Variants in MPC2 observed in about 807,000 individuals in gnomAD.
MPC2 encodes brain protein 44.
A neutral mutation model predicts 19.2 loss-of-function variants in MPC2; 19 were observed. The ratio of observed to expected loss-of-function variants is 0.99; its 90% CI spans 0.69 to 1.45. The LOEUF (loss-of-function observed/expected upper bound fraction) is 1.45. Among genes scored for constraint, MPC2 ranks in the 40% most tolerant of loss-of-function variants. MPC2 has a pLI of 0.00. For missense variants in MPC2, 122 were observed against 153.0 expected (o/e 0.80, Z 1.07); for synonymous variants, 61 against 54.3 (o/e 1.12, Z -0.54).
intron 2 of MPC2, among the ~76,000 whole-genome samples, chr1:167,933,842 T>C (rs1670984429): frequency 1.3e-5 from 2 of 152,252 alleles, no homozygotes; most frequent in African/African-American, 2.4e-5. Flanking sequence ...CCTTACTCTG[T>C]ATGTTGCTCA....
chr1:167,918,785 G>T (rs1670531773), intron 5 of MPC2, among the ~76,000 whole-genome samples: 1 of 151,814 alleles, frequency 6.6e-6, no homozygotes, highest in South Asian at 2.1e-4. Context: ...AGTAGAGATG[G>T]TGTTTCACCG....
At chr1:167,918,404 C>T (rs10918798) in intron 5 of MPC2, 45 bp from the exon 6 acceptor site, 114,889 of 1,253,848 alleles carry the variant, frequency 0.092, 6,626 homozygotes, top group African/African-American at 0.23. Context: ...TAATAATAGA[C>T]AAATTTATGG....
At chr1:167,930,622 T>C (rs78413747) in intron 2 of MPC2, among the ~76,000 whole-genome samples, 117 of 152,326 alleles carry the variant, frequency 7.7e-4, no homozygotes, top group African/African-American at 2.7e-3. Flanking sequence ...AGCTCCCTCA[T>C]TTTTATAAAT....
Position 167,919,964 on chromosome 1 carries a change from C to A in MPC2, c.347+15G>T. 1 of 1,571,046 alleles carries A rather than the reference C, an allele frequency of 6.4e-7. No homozygotes were observed. The highest frequency in any genetic ancestry group is 8.7e-7 in the Non-Finnish European group (1 of 1,156,046). Reference sequence around the variant, plus strand: ...GCTTTTGCAACAGTTTTAAAAATATCTCTGGTAGGCTTACCTCCAAATACG... The same window carrying A: ...GCTTTTGCAACAGTTTTAAAAATATATCTGGTAGGCTTACCTCCAAATACG... On this transcript the variant is annotated intron_variant, in intron 5 of 5. Coordinates refer to ENST00000271373, the MANE Select transcript of MPC2 (RefSeq NM_001143674.4).
intron 2 of MPC2, among the ~76,000 whole-genome samples, chr1:167,925,494 C>G (rs1331156759): frequency 8.0e-6 from 1 of 125,222 alleles, no homozygotes; most frequent in African/African-American, 2.9e-5. Flanking sequence ...TATACACACA[C>G]ATATATATAT....
rs569873364 is a variant in MPC2 at position 167,922,141 on chromosome 1, G to A, written c.151-1510C>T. On this transcript the variant is annotated intron_variant, in intron 3 of 5. Coordinates refer to ENST00000271373, the MANE Select transcript of MPC2 (RefSeq NM_001143674.4). ...TAAAACACAGTAAGAGGTATATAAG[G>A]TAAGTATCTAATAGAAGAAGTCTCC... 3.3e-4 allele frequency among the ~76,000 whole-genome samples: 50 copies of A among 152,242 alleles called. 2 individuals are homozygous for A. In the South Asian group the frequency reaches 9.9e-3, roughly 30 times the overall value.
chr1:167,935,977 G>T (rs1393775735), intron 1 of MPC2, 79 bp from the exon 2 acceptor site: 1 of 685,480 alleles, frequency 1.5e-6, no homozygotes, highest in Non-Finnish European at 2.5e-6. Flanking sequence ...CCCTTCCCGC[G>T]GCTTTCCCTG....
At chr1:167,936,889 T>C in intron 1 of MPC2, 50 bp downstream of exon 1, 1 of 1,183,712 alleles carries the variant, frequency 8.4e-7, no homozygotes. Flanking sequence ...TGGTCTCCCC[T>C]CCCACCCGGC....
intron 1 of MPC2, chr1:167,936,485 A>C (rs1298398722): frequency 2.4e-5 from 5 of 207,750 alleles, no homozygotes; most frequent in Non-Finnish European, 4.9e-5. Flanking sequence ...ATCTGGTTAG[A>C]GTGGCCCGAA....
intron 1 of MPC2, 90 bp downstream of exon 1, chr1:167,936,849 C>T (rs954293604): frequency 2.2e-6 from 3 of 1,353,808 alleles, no homozygotes; most frequent in South Asian, 2.5e-5. Context: ...AAACGGGTGT[C>T]CCCTCCCCCT....
intron 3 of MPC2, among the ~76,000 whole-genome samples, chr1:167,924,104 G>C (rs940260738): frequency 6.6e-6 from 1 of 152,120 alleles, no homozygotes; most frequent in Non-Finnish European, 1.5e-5. Flanking sequence ...TACTTTTTGA[G>C]AGTAACTTTC....
Position 167,934,091 on chromosome 1 carries a change from T to A in MPC2, c.109+1642A>T, listed in dbSNP as rs374092447. Among the ~76,000 whole-genome samples, 13 of 152,276 alleles carry A rather than the reference T, an allele frequency of 8.5e-5. No homozygotes were observed. The East Asian group carries it at 1.5e-3, about 18-fold the overall frequency. ...ACTACACTGAAAAAGGGGGTTAAAA[T>A]AACTGAACGAATCCAAGGATTTTCA... On this transcript the variant is annotated intron_variant, in intron 2 of 5. Coordinates refer to ENST00000271373, the MANE Select transcript of MPC2 (RefSeq NM_001143674.4).
In MPC2 at chr1:167,933,625, A is replaced by C. The variant is rs144222701; in HGVS notation, c.109+2108T>G. On this transcript the variant is annotated intron_variant, in intron 2 of 5. Coordinates refer to ENST00000271373, the MANE Select transcript of MPC2 (RefSeq NM_001143674.4). ...GTAGGTGAATCTAGAAAAATGTTTC[A>C]ATGACAATTCAATAACAAATACTGT... Among the ~76,000 whole-genome samples the C allele has an allele frequency of 3.2e-3, 482 of 152,360 alleles. 7 individuals are homozygous for C. Among genetic ancestry groups the C allele is most frequent in the African/African-American group, 0.011 (463 of 41,582 alleles).
Position 167,934,720 on chromosome 1 carries a change from T to C in MPC2, c.109+1013A>G, listed in dbSNP as rs151312426. 2.9e-3 allele frequency among the ~76,000 whole-genome samples: 437 copies of C among 152,314 alleles called. 2 individuals carry two copies. Among genetic ancestry groups the C allele is most frequent in the African/African-American group, 0.01 (426 of 41,564 alleles). On this transcript the variant is annotated intron_variant, in intron 2 of 5. Transcript: ENST00000271373. Reference sequence around the variant, plus strand: ...AACTACAGAATACAGATTTTAACTATGTAGGAGAATAAAAGCCACTTTTCG... The same window carrying C: ...AACTACAGAATACAGATTTTAACTACGTAGGAGAATAAAAGCCACTTTTCG...
chr1:167,929,153 G>A (rs913709415), intron 2 of MPC2, among the ~76,000 whole-genome samples: 1 of 151,454 alleles, frequency 6.6e-6, no homozygotes, highest in Non-Finnish European at 1.5e-5. Context: ...GAGGTGGGGA[G>A]TTTGAGACTA....
chr1:167,922,816 T>G (rs1386188414), intron 3 of MPC2, among the ~76,000 whole-genome samples: 2 of 152,112 alleles, frequency 1.3e-5, no homozygotes, highest in Admixed American at 1.3e-4. Flanking sequence ...AAAAGTACAT[T>G]TAAGAGAATT....
Position 167,920,068 on chromosome 1 carries a change from T to C in MPC2, c.258A>G (p.Ser86=). 1 of 1,612,192 alleles carries C rather than the reference T, an allele frequency of 6.2e-7. No homozygotes were observed. The highest frequency in any genetic ancestry group is 8.5e-7 in the Non-Finnish European group (1 of 1,179,012). ...TCCAATTTTTTGGAATAATTACAAG[T>C]GAGTATCTTGACCAAATAAACCCTG... The part of the protein sequence containing the change: ...MATGFIWSRY[S]LVIIPKNWSL... The change falls in exon 5 of 6, where the codon TCA becomes TCG. Residue 86 remains serine, a synonymous_variant. Coordinates refer to ENST00000271373, the MANE Select transcript of MPC2 (RefSeq NM_001143674.4).
At chr1:167,936,019 C>A in intron 1 of MPC2, 121 bp from the exon 2 acceptor site, 1 of 612,288 alleles carries the variant, frequency 1.6e-6, no homozygotes, top group Non-Finnish European at 2.9e-6. Context: ...GCGGCCCGCG[C>A]CCCGCGAAGG....
rs745590496 is a variant in MPC2 at position 167,918,361 on chromosome 1, T to A, written c.348-2A>T. ...TTAGCTTTTAGTTCTTGGTTATATC[T>A]ATAAAGAAAACAGAAAGAAAAATAA... On this transcript the variant is annotated splice_acceptor_variant, in intron 5 of 5. Coordinates refer to ENST00000271373, the MANE Select transcript of MPC2 (RefSeq NM_001143674.4). LOFTEE classifies it high-confidence loss of function. The A allele has an allele frequency of 6.6e-7, 1 of 1,521,290 alleles. No homozygotes were observed. The highest frequency in any genetic ancestry group is 9.1e-7 in the Non-Finnish European group (1 of 1,102,742). The allele number at this position is 1,521,290 out of a possible 1,614,324, so 94.2% of individuals were successfully genotyped here.
Sources: allele counts gnomAD v4.1 joint callset (sites outside exome capture counted in the v4.1 genomes callset), GRCh38; gene constraint gnomAD v4.1.1; transcripts MANE v1.5; gene names NCBI Gene and HGNC (gene_info 2026-07-23, HGNC 2026-07-21).